Variants in MECOM observed in about 807,000 individuals in gnomAD.
The protein encoded by MECOM is MDS1 and EVI1 complex locus, also known as histone-lysine N-methyltransferase MECOM.
Under a neutral mutation model 116.3 loss-of-function variants are expected in MECOM, and 13 were observed. That is an observed-to-expected ratio of 0.11 (90% CI 0.07 to 0.18). The LOEUF is 0.18. Ranked by LOEUF, MECOM falls within the 10% of genes least tolerant of loss-of-function variation. The pLI, the probability that MECOM is intolerant of heterozygous loss-of-function variation, is 1.00. For missense variants in MECOM, 1,299 were observed against 1,509.0 expected (o/e 0.86, Z 2.31); for synonymous variants, 528 against 535.2 (o/e 0.99, Z 0.19).
intron 1 of MECOM, among the ~76,000 whole-genome samples, chr3:169,457,500 A>T (rs1479826977): frequency 6.6e-6 from 1 of 152,026 alleles, no homozygotes. Flanking sequence ...AAAATTATTC[A>T]CTCTTCTTAT....
At chr3:169,463,206 A>G (rs1183124945) in intron 1 of MECOM, among the ~76,000 whole-genome samples, 1 of 152,216 alleles carries the variant, frequency 6.6e-6, no homozygotes, top group African/African-American at 2.4e-5. Flanking sequence ...GCATTAAAAA[A>G]GAAACCACCC....
chr3:169,200,170 A>C (rs1056046945), intron 2 of MECOM, among the ~76,000 whole-genome samples: 3 of 152,032 alleles, frequency 2.0e-5, no homozygotes, highest in Admixed American at 2.0e-4. Context: ...TGCAAACTTA[A>C]ATCAGTTTGG....
chr3:169,378,113 G>A (rs1406148897), intron 2 of MECOM, among the ~76,000 whole-genome samples: 3 of 151,522 alleles, frequency 2.0e-5, no homozygotes, highest in Admixed American at 2.0e-4. Flanking sequence ...ATAAGTGGGA[G>A]TTGAACAATG....
intron 2 of MECOM, among the ~76,000 whole-genome samples, chr3:169,221,147 C>T (rs552728692): frequency 2.0e-5 from 3 of 152,324 alleles, no homozygotes; most frequent in African/African-American, 7.2e-5. Context: ...AATACTGGAA[C>T]TATCTTGCAG....
In MECOM at chr3:169,397,218, T is replaced by G. The variant is rs571716020; in HGVS notation, c.38-15694A>C. Among the ~76,000 whole-genome samples, 6 of 152,260 alleles carry G rather than the reference T, an allele frequency of 3.9e-5. No individual in the cohort carries two copies. In the East Asian group the frequency reaches 7.7e-4, roughly 20 times the overall value. ...TGTTGAAACCAAATGTAGAACAAGATCAACATAGTCATTGACATGGTACAA... is the reference window on the plus strand; with the variant it reads ...TGTTGAAACCAAATGTAGAACAAGAGCAACATAGTCATTGACATGGTACAA... On this transcript the variant is annotated intron_variant, in intron 1 of 16. Transcript: ENST00000651503.
chr3:169,180,327 T>C (rs1473832608), intron 2 of MECOM, among the ~76,000 whole-genome samples: 1 of 152,122 alleles, frequency 6.6e-6, no homozygotes, highest in African/African-American at 2.4e-5. Context: ...AATTTTAATG[T>C]CAATATTAAT....
At chr3:169,553,111 G>T (rs1488064478) in intron 1 of MECOM, among the ~76,000 whole-genome samples, 1 of 151,576 alleles carries the variant, frequency 6.6e-6, no homozygotes, top group Non-Finnish European at 1.5e-5. Flanking sequence ...TTCTACCTTA[G>T]ACTCAAGAAA....
intron 1 of MECOM, among the ~76,000 whole-genome samples, chr3:169,549,746 T>C (rs776797548): frequency 5.9e-5 from 9 of 152,214 alleles, no homozygotes; most frequent in Non-Finnish European, 1.3e-4. Flanking sequence ...ATTTTCAGCA[T>C]AGCTTTTCTG....
intron 1 of MECOM, among the ~76,000 whole-genome samples, chr3:169,433,956 GA>G (rs1051534651): frequency 1.3e-5 from 2 of 151,374 alleles, no homozygotes; most frequent in East Asian, 1.9e-4. Context: ...ATTCATCTGG[GA>G]AAAAAAAGGG....
intron 2 of MECOM, among the ~76,000 whole-genome samples, chr3:169,205,446 A>G (rs1390921211): frequency 6.6e-6 from 1 of 152,218 alleles, no homozygotes; most frequent in African/African-American, 2.4e-5. Context: ...AAAATGATTT[A>G]TAGGCCACAC....
chr3:169,572,677 G>A (rs1764046978), intron 1 of MECOM, among the ~76,000 whole-genome samples: 1 of 151,310 alleles, frequency 6.6e-6, no homozygotes, highest in Admixed American at 6.6e-5. Context: ...AAGGATGCAG[G>A]GACATGGATG....
intron 1 of MECOM, among the ~76,000 whole-genome samples, chr3:169,396,755 G>C (rs1277365007): frequency 6.6e-6 from 1 of 152,174 alleles, no homozygotes; most frequent in Non-Finnish European, 1.5e-5. Flanking sequence ...TGGATCACTT[G>C]AGGTCTGGAG....
intron 2 of MECOM, among the ~76,000 whole-genome samples, chr3:169,238,768 G>C (rs1754414468): frequency 6.6e-6 from 1 of 152,076 alleles, no homozygotes; most frequent in Admixed American, 6.6e-5. Flanking sequence ...ATTTCAGTTT[G>C]AATATTAAAT....
chr3:169,103,244 T>C (rs1050012602), intron 10 of MECOM, among the ~76,000 whole-genome samples: 5 of 151,864 alleles, frequency 3.3e-5, no homozygotes, highest in African/African-American at 1.2e-4. Context: ...GCTGGGATTA[T>C]AGGCATAAGC....
intron 2 of MECOM, among the ~76,000 whole-genome samples, chr3:169,249,294 C>G (rs533697487): frequency 6.6e-6 from 1 of 152,302 alleles, no homozygotes; most frequent in African/African-American, 2.4e-5. Context: ...GCATCCAAAT[C>G]ATCCCTAGAC....
chr3:169,627,925 G>A (rs1004965132), intron 1 of MECOM, among the ~76,000 whole-genome samples: 1 of 152,180 alleles, frequency 6.6e-6, no homozygotes, highest in African/African-American at 2.4e-5. Flanking sequence ...GCAGTGCTGT[G>A]GTCAGATCAC....
intron 1 of MECOM, among the ~76,000 whole-genome samples, chr3:169,386,339 G>C (rs1733313325): frequency 6.6e-6 from 1 of 152,078 alleles, no homozygotes; most frequent in South Asian, 2.1e-4. Context: ...CCATTTTCCA[G>C]ATGTAGGACC....
At chr3:169,223,132 T>A (rs1362859134) in intron 2 of MECOM, among the ~76,000 whole-genome samples, 12 of 4,756 alleles carry the variant, frequency 2.5e-3, no homozygotes, top group East Asian at 0.028. Context: ...AGTCCTATAT[T>A]TTTTTTTTTA....
intron 1 of MECOM, chr3:169,566,129 A>G (rs995392415): frequency 5.5e-5 from 16 of 289,490 alleles, no homozygotes; most frequent in African/African-American, 3.2e-4. Context: ...CTCACTCACT[A>G]TCACAAGAAC....
Sources: gnomAD v4.1 joint callset for allele counts (sites outside exome capture counted in the v4.1 genomes callset) on GRCh38, gnomAD v4.1.1 for gene constraint, MANE v1.5 for transcripts, NCBI Gene and HGNC (gene_info 2026-07-23, HGNC 2026-07-21) for gene names.